Variants in TNRC6A observed in about 807,000 individuals in gnomAD.
TNRC6A encodes trinucleotide repeat containing adaptor 6A.
TNRC6A carries 44 observed loss-of-function variants against 221.2 expected under a neutral mutation model. The ratio of observed to expected loss-of-function variants is 0.20; its 90% confidence interval spans 0.16 to 0.26. The LOEUF (loss-of-function observed/expected upper bound fraction) is 0.26, where lower values mean the gene tolerates loss of function less well. Ranked by LOEUF, TNRC6A falls within the 10% of genes least tolerant of loss-of-function variation. TNRC6A has a pLI of 1.00. For missense variants in TNRC6A, 2,199 were observed against 2,404.4 expected (o/e 0.91, Z 1.79); for synonymous variants, 847 against 838.5 (o/e 1.01, Z -0.18).
At chr16:24,770,448 T>A (rs1325224021) in intron 4 of TNRC6A, among the ~76,000 whole-genome samples, 2 of 152,056 alleles carry the variant, frequency 1.3e-5, no homozygotes, top group Non-Finnish European at 2.9e-5. Context: ...GAGAGTAAAT[T>A]GTTGAGGGCC....
intron 2 of TNRC6A, among the ~76,000 whole-genome samples, chr16:24,734,580 A>C (rs1596570032): frequency 1.3e-5 from 2 of 152,310 alleles, no homozygotes; most frequent in Admixed American, 1.3e-4. Context: ...TGGTTGAAAC[A>C]GATTCAGTAA....
At chr16:24,756,897 T>G (rs539871639) in intron 3 of TNRC6A, among the ~76,000 whole-genome samples, 20 of 151,082 alleles carry the variant, frequency 1.3e-4, no homozygotes, top group African/African-American at 4.6e-4. Context: ...GTTTGTTTTG[T>G]TTTTTTTTAA....
chr16:24,738,547 G>A (rs2056821635), intron 2 of TNRC6A, among the ~76,000 whole-genome samples: 1 of 152,166 alleles, frequency 6.6e-6, no homozygotes, highest in Non-Finnish European at 1.5e-5. Flanking sequence ...CATACTATAT[G>A]ATACTTTTGT....
chr16:24,668,124 TC>T (rs1329471388), intron 2 of TNRC6A, among the ~76,000 whole-genome samples: 1 of 152,074 alleles, frequency 6.6e-6, no homozygotes, highest in Non-Finnish European at 1.5e-5. Flanking sequence ...GGTCGGGAGT[TC>T]AAGACCAGCC....
chr16:24,791,224 C>T lies in TNRC6A; in HGVS notation c.2582C>T (p.Ser861Leu), dbSNP rs2058093274. ...GCCAGTGATAACTGGGGAGAAACTT[C>T]AAGGAATAACCATTGGGGTGAGGCC... ...VSASDNWGETSRNNHWGEANK... is the reference protein window; with the variant it reads ...VSASDNWGETLRNNHWGEANK... The change falls in exon 6 of 25, where the codon TCA (serine) becomes TTA (leucine). Residue 861 changes from serine to leucine, a missense_variant. Transcript: ENST00000395799. The T allele has an allele frequency of 6.2e-7, 1 of 1,614,066 alleles. No individual in the cohort carries two copies. Among genetic ancestry groups the T allele is most frequent in the East Asian group, 2.2e-5 (1 of 44,884 alleles).
intron 2 of TNRC6A, among the ~76,000 whole-genome samples, chr16:24,674,694 CCACACACACACACACACACACA>C (rs3219528): frequency 1.3e-3 from 188 of 146,272 alleles, no homozygotes; most frequent in Admixed American, 5.3e-3. Context: ...ACTGCCCCCA[CCACACACACACACACACACACA>C]CACACACACA....
In TNRC6A at chr16:24,804,862, A is replaced by G. The variant is rs754800131; in HGVS notation, c.3984+11A>G. On this transcript the variant is annotated intron_variant, in intron 13 of 24. Coordinates refer to ENST00000395799, the MANE Select transcript of TNRC6A (RefSeq NM_014494.4). ...AATTCTGTTAGACAGGTAAGTCCAG[A>G]TGTGTATTTTAGGCTCTCAGTTGAA... is the stretch of plus-strand genomic sequence containing the variant. The G allele has an allele frequency of 6.2e-7, 1 of 1,613,676 alleles. No homozygotes were observed. Among genetic ancestry groups the G allele is most frequent in the South Asian group, 1.1e-5 (1 of 90,908 alleles).
At chr16:24,655,818 T>A (rs1390423675) in intron 2 of TNRC6A, among the ~76,000 whole-genome samples, 1 of 151,942 alleles carries the variant, frequency 6.6e-6, no homozygotes, top group African/African-American at 2.4e-5. Flanking sequence ...AATAACAGAA[T>A]TAATAAATGT....
intron 5 of TNRC6A, among the ~76,000 whole-genome samples, chr16:24,783,721 C>G (rs949889103): frequency 2.6e-5 from 4 of 152,230 alleles, no homozygotes; most frequent in Non-Finnish European, 2.9e-5. Flanking sequence ...CAGCCGCTCC[C>G]TTTCTTCCTA....
At chr16:24,711,916 C>T (rs2056213464) in intron 2 of TNRC6A, among the ~76,000 whole-genome samples, 1 of 152,146 alleles carries the variant, frequency 6.6e-6, no homozygotes, top group African/African-American at 2.4e-5. Flanking sequence ...CTGCCTCAGC[C>T]TCCCAAATTG....
intron 2 of TNRC6A, among the ~76,000 whole-genome samples, chr16:24,680,201 G>A (rs187377060): frequency 3.3e-5 from 5 of 152,006 alleles, no homozygotes; most frequent in East Asian, 1.9e-4. Context: ...GGCTGAAGGC[G>A]GGAGGATGAC....
Position 24,730,802 on chromosome 16 carries a change from G to C in TNRC6A, c.53+502G>C, listed in dbSNP as rs190754149. Among the ~76,000 whole-genome samples, 396 of 124,358 alleles carry C rather than the reference G, an allele frequency of 3.2e-3. 10 individuals are homozygous for C. The Admixed American group carries it at 0.04, about 13-fold the overall frequency. The allele number at this position is 124,358 out of a possible 152,430, so 81.6% of individuals were successfully genotyped here. ...ATTCTGTTGCATTGGACACAGTTTT[G>C]TCCTTGAACTTTACCAAGCATAAGC... On this transcript the variant is annotated intron_variant, in intron 2 of 24. Coordinates refer to ENST00000395799, the MANE Select transcript of TNRC6A (RefSeq NM_014494.4).
At chr16:24,673,873 G>A (rs1349198241) in intron 2 of TNRC6A, among the ~76,000 whole-genome samples, 4 of 152,106 alleles carry the variant, frequency 2.6e-5, no homozygotes, top group Non-Finnish European at 5.9e-5. Context: ...AAATATTTTC[G>A]TGAGAACCGT....
chr16:24,641,888 TG>T (rs1467868881), intron 2 of TNRC6A, among the ~76,000 whole-genome samples: 1 of 152,172 alleles, frequency 6.6e-6, no homozygotes, highest in Non-Finnish European at 1.5e-5. Flanking sequence ...ACTCAATCAG[TG>T]GCAGGTGGCC....
chr16:24,783,527 A>ATT (rs5816267), intron 5 of TNRC6A, among the ~76,000 whole-genome samples: 54 of 145,466 alleles, frequency 3.7e-4, no homozygotes, highest in Non-Finnish European at 4.5e-4. Flanking sequence ...ATTATGTACA[A>ATT]TTTTTTTTTT....
chr16:24,822,641 G>T (rs2058788970), intron 23 of TNRC6A, among the ~76,000 whole-genome samples: 1 of 152,178 alleles, frequency 6.6e-6, no homozygotes. Context: ...CCACAGTGGG[G>T]ATCTGGGGAG....
chr16:24,822,837 G>A, intron 23 of TNRC6A, 37 bp from the exon 24 acceptor site: 1 of 1,611,718 alleles, frequency 6.2e-7, no homozygotes. Context: ...GGCCCGCGGT[G>A]ACGCCTCTCA....
rs186672838 is a variant in TNRC6A at position 24,710,198 on chromosome 16, C to A, written n.403-40528C>A. 4.9e-4 allele frequency among the ~76,000 whole-genome samples: 74 copies of A among 150,676 alleles called. No homozygotes were observed. In the East Asian group the frequency reaches 0.014, roughly 29 times the overall value. On this transcript the variant is annotated intron_variant and non_coding_transcript_variant, in intron 2 of 2. Coordinates refer to the TNRC6A transcript ENST00000566108. ...CGAGATCGCGCCATTGCACTCCAGC[C>A]TGGGCAACAAGAGCGGAACTTCATC...
At chr16:24,778,428 A>C in intron 5 of TNRC6A, 1 of 985,492 alleles carries the variant, frequency 1.0e-6, no homozygotes, top group Non-Finnish European at 1.2e-6. Context: ...TGCTTTGGCA[A>C]CATACAGGAT....
Sources: allele counts gnomAD v4.1 joint callset (sites outside exome capture counted in the v4.1 genomes callset), GRCh38; gene constraint gnomAD v4.1.1; transcripts MANE v1.5; gene names NCBI Gene and HGNC (gene_info 2026-07-23, HGNC 2026-07-21).